The following BRDT variants were observed in gnomAD, a reference collection of about 807,000 sequenced individuals.
BRDT encodes the protein bromodomain testis-specific protein.
Under a neutral mutation model 113.9 loss-of-function variants are expected in BRDT, and 77 were observed. That is an observed-to-expected ratio of 0.68 (90% confidence interval 0.56 to 0.82). The LOEUF is 0.82. BRDT is among the 40% of genes least tolerant of loss of function. The probability of loss-of-function intolerance (pLI) is 0.00; values close to 1 mark genes in which losing one functional copy is unlikely to be tolerated. For missense variants in BRDT, 1,027 were observed against 1,105.4 expected, an observed-to-expected ratio of 0.93 and a Z score of 1.01; for synonymous variants, 358 against 366.5, an observed-to-expected ratio of 0.98 and a Z score of 0.26.
chr1:91,992,342 CAG>C (rs547836427), intron 14 of BRDT, 28 bp downstream of exon 14: 34 of 1,390,630 alleles, frequency 2.4e-5, no homozygotes, highest in Non-Finnish European at 3.0e-5. Context: ...TTTTAAAGAA[CAG>C]GGGAAGAAAT....
At chr1:91,951,038 AG>A (rs111755965) in intron 1 of BRDT, among the ~76,000 whole-genome samples, 73,576 of 124,762 alleles carry the variant, frequency 0.59, 18,521 homozygotes, top group South Asian at 0.65. Context: ...AAAAAAAAAA[AG>A]AGATGGTCCT....
chr1:92,004,761 G>C (rs911212519), intron 17 of BRDT, 142 bp downstream of exon 17: 2 of 725,700 alleles, frequency 2.8e-6, no homozygotes, highest in Non-Finnish European at 4.3e-6. Flanking sequence ...AAGTACATTT[G>C]ATACTTTTTC....
At chr1:91,977,021 T>TTG in intron 5 of BRDT, 22 bp from the exon 6 acceptor site, 1 of 1,514,264 alleles carries the variant, frequency 6.6e-7, no homozygotes, top group Non-Finnish European at 8.9e-7. Flanking sequence ...TATATTTTTG[T>TTG]TGTTGAATTG....
intron 1 of BRDT, among the ~76,000 whole-genome samples, chr1:91,961,490 A>T (rs1008083006): frequency 6.6e-6 from 1 of 151,898 alleles, no homozygotes; most frequent in African/African-American, 2.4e-5. Context: ...AATTAGCTGC[A>T]TGGTGTCATG....
rs778949542 is a variant in BRDT, at chr1:91,968,235, G to C, written c.420G>C (p.Val140=). ...LSQMPQEEQV[V]GVKERIKKGT... ...AGATGCCACAAGAAGAGCAAGTTGT[G>C]GGTGTTAAGGAAAGAATCAAGAAAG... The change falls in exon 4 of 19, where the codon GTG becomes GTC. Residue 140 remains valine (V), a synonymous_variant. Coordinates refer to ENST00000399546, the MANE Select transcript of BRDT (RefSeq NM_207189.4). 10 of 1,613,888 alleles carry C rather than the reference G, an allele frequency of 6.2e-6. 2 individuals are homozygous for C. In the South Asian group the frequency reaches 9.9e-5, roughly 16 times the overall value.
At chr1:91,961,184 G>A (rs1220767206) in intron 1 of BRDT, among the ~76,000 whole-genome samples, 1 of 152,070 alleles carries the variant, frequency 6.6e-6, no homozygotes, top group Non-Finnish European at 1.5e-5. Flanking sequence ...GGTGGCAGGT[G>A]CCTGTAATCC....
chr1:91,992,831 T>C (rs1685926013), intron 14 of BRDT, among the ~76,000 whole-genome samples: 1 of 152,190 alleles, frequency 6.6e-6, no homozygotes, highest in South Asian at 2.1e-4. Context: ...CCACCATGCC[T>C]GGCCTTCCCA....
At chr1:91,995,638 T>C (rs1443738347) in intron 15 of BRDT, among the ~76,000 whole-genome samples, 2 of 148,896 alleles carry the variant, frequency 1.3e-5, no homozygotes, top group Non-Finnish European at 3.0e-5. Context: ...AATTTTTTTG[T>C]AGTTTTTTTT....
At chr1:92,000,551 G>T (rs2101789664) in intron 15 of BRDT, among the ~76,000 whole-genome samples, 1 of 152,298 alleles carries the variant, frequency 6.6e-6, no homozygotes, top group South Asian at 2.1e-4. Flanking sequence ...ACCTCAGTAT[G>T]ATTTAGCCAG....
intron 15 of BRDT, among the ~76,000 whole-genome samples, chr1:91,998,215 A>G (rs1360511800): frequency 6.6e-6 from 1 of 152,142 alleles, no homozygotes; most frequent in Admixed American, 6.6e-5. Context: ...AGGGACATGG[A>G]TGAAGCTGGA....
At chr1:91,970,925 AAAAAAG>A (rs1557820498) in intron 4 of BRDT, among the ~76,000 whole-genome samples, 10 of 151,952 alleles carry the variant, frequency 6.6e-5, no homozygotes, top group Non-Finnish European at 1.5e-5. Context: ...AAAAAAAAAA[AAAAAAG>A]AAAAGGAAAG....
At chr1:91,990,237 C>G (rs543712821) in intron 12 of BRDT, among the ~76,000 whole-genome samples, 2 of 152,312 alleles carry the variant, frequency 1.3e-5, no homozygotes, top group African/African-American at 4.8e-5. Flanking sequence ...TACAGTATTT[C>G]TAAAGGCAGA....
intron 2 of BRDT, among the ~76,000 whole-genome samples, chr1:91,963,984 G>T (rs1202288621): frequency 2.0e-5 from 3 of 151,846 alleles, no homozygotes; most frequent in African/African-American, 7.3e-5. Flanking sequence ...TGATTCTTGG[G>T]CCTCACCCTC....
intron 15 of BRDT, among the ~76,000 whole-genome samples, chr1:91,997,993 T>G (rs1002938277): frequency 6.6e-6 from 1 of 152,288 alleles, no homozygotes; most frequent in East Asian, 1.9e-4. Context: ...TTAGAGTACA[T>G]AAAAGATTAA....
At chr1:91,979,836 G>A in intron 8 of BRDT, 79 bp downstream of exon 8, 2 of 1,377,126 alleles carry the variant, frequency 1.5e-6, no homozygotes, top group Non-Finnish European at 2.0e-6. Flanking sequence ...CAGATTTAAA[G>A]CTGTTATAGT....
At chr1:92,004,678 A>G in intron 17 of BRDT, 59 bp downstream of exon 17, 1 of 1,402,450 alleles carries the variant, frequency 7.1e-7, no homozygotes. Flanking sequence ...TTTTAAATAC[A>G]TTAAATTTCT....
chr1:91,981,074 C>T lies in BRDT; in HGVS notation c.1646C>T (p.Pro549Leu), dbSNP rs1458000144. ...GAGCCTTCTCTGAGCAATTCCAATCCTGATGAGATAGAGATAGACTTTGAA... is the reference window on the plus strand; with the variant it reads ...GAGCCTTCTCTGAGCAATTCCAATCTTGATGAGATAGAGATAGACTTTGAA... ...SREPSLSNSN[P>L]DEIEIDFETL... Residue 549 changes from proline (P) to leucine (L), a missense_variant, in exon 10 of 19, where the codon CCT becomes CTT. Physicochemically the swap from Pro to Leu is moderately conservative, Grantham distance 98 (BLOSUM62 -3). Transcript: ENST00000399546. 6 of 1,613,918 alleles carry T rather than the reference C, an allele frequency of 3.7e-6. No individual in the cohort carries two copies. Among genetic ancestry groups the T allele is most frequent in the African/African-American group, 1.3e-5 (1 of 74,896 alleles).
intron 12 of BRDT, among the ~76,000 whole-genome samples, chr1:91,987,661 G>GT (rs974183879): frequency 1.3e-5 from 2 of 151,146 alleles, no homozygotes; most frequent in African/African-American, 4.9e-5. Context: ...TTTGTTTTTT[G>GT]TTTTTTGTTT....
intron 18 of BRDT, among the ~76,000 whole-genome samples, chr1:92,007,725 CAT>C (rs1290331230): frequency 6.6e-6 from 1 of 152,150 alleles, no homozygotes; most frequent in Non-Finnish European, 1.5e-5. Context: ...TATACCACCT[CAT>C]GTTTAGTGTA....
Sources: allele counts gnomAD v4.1 joint callset (sites outside exome capture counted in the v4.1 genomes callset), GRCh38; gene constraint gnomAD v4.1.1; transcripts MANE v1.5; gene names NCBI Gene and HGNC (gene_info 2026-07-23, HGNC 2026-07-21).